PEPD: variants seen among roughly 807,000 people sequenced by gnomAD.
The protein encoded by PEPD is peptidase D.
In PEPD, 53 loss-of-function variants were observed where a neutral mutation model predicts 60.7. The ratio of observed to expected loss-of-function variants is 0.87; its 90% CI spans 0.70 to 1.10. The LOEUF is 1.10. Ranked by LOEUF, PEPD falls within the 50% of genes least tolerant of loss-of-function variation. The probability of loss-of-function intolerance (pLI) is 0.00; values close to 1 mark genes in which losing one functional copy is unlikely to be tolerated. For synonymous variants in PEPD, 267 were observed against 284.1 expected, an observed-to-expected ratio of 0.94 and a Z score of 0.60; for missense variants, 711 against 711.9, an observed-to-expected ratio of 1.00 and a Z score of 0.01.
intron 7 of PEPD, among the ~76,000 whole-genome samples, chr19:33,474,930 C>T (rs1203163805): frequency 6.9e-6 from 1 of 144,940 alleles, no homozygotes; most frequent in African/African-American, 2.6e-5. Context: ...CAGCAAGCTA[C>T]GATCATGCCA....
At chr19:33,518,476 G>T (rs532003781) in intron 1 of PEPD, among the ~76,000 whole-genome samples, 3 of 152,262 alleles carry the variant, frequency 2.0e-5, no homozygotes. Flanking sequence ...CGGCTCAACA[G>T]GGGTACACGT....
chr19:33,432,664 T>A (rs986572158), intron 9 of PEPD, among the ~76,000 whole-genome samples: 1 of 152,366 alleles, frequency 6.6e-6, no homozygotes, highest in Middle Eastern at 3.4e-3. Context: ...CATGAACAGA[T>A]CCAGCAGGTA....
chr19:33,460,327 A>G (rs1400931569), intron 9 of PEPD, among the ~76,000 whole-genome samples: 3 of 152,170 alleles, frequency 2.0e-5, no homozygotes, highest in East Asian at 3.9e-4. Flanking sequence ...ACTGCATCAC[A>G]TAGTGATCCT....
At chr19:33,389,539 C>A (rs976610709) in intron 13 of PEPD, among the ~76,000 whole-genome samples, 2 of 151,236 alleles carry the variant, frequency 1.3e-5, no homozygotes, top group Admixed American at 6.6e-5. Flanking sequence ...TCATGCTATT[C>A]CTGAAGTGTC....
chr19:33,428,002 G>T (rs1372995683), intron 9 of PEPD, among the ~76,000 whole-genome samples: 1 of 152,022 alleles, frequency 6.6e-6, no homozygotes, highest in Non-Finnish European at 1.5e-5. Flanking sequence ...CAAAGCACTG[G>T]CTCTGGGCAG....
At chr19:33,458,684 C>CA (rs1969866256) in intron 9 of PEPD, among the ~76,000 whole-genome samples, 1 of 88,488 alleles carries the variant, frequency 1.1e-5, no homozygotes. Flanking sequence ...TGGTGGAGGT[C>CA]TGTGGTGTGT....
intron 12 of PEPD, among the ~76,000 whole-genome samples, chr19:33,393,295 G>A (rs1252302066): frequency 6.6e-6 from 1 of 150,628 alleles, no homozygotes; most frequent in Non-Finnish European, 1.5e-5. Flanking sequence ...GCGTGGGGGA[G>A]AGCCCGGGGT....
At chr19:33,493,429 T>C in intron 4 of PEPD, 92 bp from the exon 5 acceptor site, 1 of 910,132 alleles carries the variant, frequency 1.1e-6, no homozygotes, top group Admixed American at 1.8e-5. Flanking sequence ...ACAGTGCACA[T>C]TTATCAAGCA....
intron 11 of PEPD, among the ~76,000 whole-genome samples, chr19:33,405,993 T>C (rs562006533): frequency 6.6e-6 from 1 of 152,170 alleles, no homozygotes; most frequent in African/African-American, 2.4e-5. Context: ...TGCCATTTTA[T>C]GCATGACATG....
intron 12 of PEPD, among the ~76,000 whole-genome samples, chr19:33,392,701 C>T (rs758818454): frequency 3.9e-5 from 6 of 152,340 alleles, no homozygotes; most frequent in Admixed American, 1.3e-4. Flanking sequence ...AGAGCCAGAG[C>T]CTGCTCTGCA....
chr19:33,413,263 G>A (rs1255213721), intron 10 of PEPD, among the ~76,000 whole-genome samples: 1 of 152,252 alleles, frequency 6.6e-6, no homozygotes, highest in South Asian at 2.1e-4. Context: ...CCCGTGTGGA[G>A]GAGTGGCCTT....
chr19:33,493,706 C>A (rs1970543535), intron 4 of PEPD, among the ~76,000 whole-genome samples: 1 of 152,090 alleles, frequency 6.6e-6, no homozygotes, highest in African/African-American at 2.4e-5. Context: ...CCCCGGGAAC[C>A]CTTTAGGCTC....
chr19:33,441,924 G>GT (rs1969485976), intron 9 of PEPD, among the ~76,000 whole-genome samples: 2 of 152,384 alleles, frequency 1.3e-5, no homozygotes, highest in South Asian at 4.1e-4. Context: ...CACTGAGACA[G>GT]TAACTACCGG....
At chr19:33,443,354 T>C (rs988618064) in intron 9 of PEPD, among the ~76,000 whole-genome samples, 1 of 152,348 alleles carries the variant, frequency 6.6e-6, no homozygotes, top group Admixed American at 6.5e-5. Flanking sequence ...CTTTTCCACT[T>C]TGGGGAGAAT....
intron 8 of PEPD, among the ~76,000 whole-genome samples, chr19:33,463,289 A>G (rs909509291): frequency 6.6e-6 from 1 of 152,258 alleles, no homozygotes; most frequent in Non-Finnish European, 1.5e-5. Flanking sequence ...GCCTCAAGTT[A>G]CAGCTCAGAG....
In PEPD at chr19:33,425,464, T is replaced by C. The variant is rs570276362; in HGVS notation, c.672-11821A>G. On this transcript the variant is annotated intron_variant, in intron 9 of 14. Coordinates refer to ENST00000244137, the MANE Select transcript of PEPD (RefSeq NM_000285.4). ...CAAGCCAGGTATGCAGGGAGCTTTC[T>C]GGAGGGGCGAGCAGGGGCAAGGGGA... 6.6e-5 allele frequency among the ~76,000 whole-genome samples: 10 copies of C among 152,262 alleles called. No individual in the cohort carries two copies. In the East Asian group the frequency reaches 1.5e-3, roughly 23 times the overall value.
At chr19:33,390,694 C>T (rs1028316791) in intron 13 of PEPD, among the ~76,000 whole-genome samples, 5 of 152,228 alleles carry the variant, frequency 3.3e-5, no homozygotes, top group African/African-American at 4.8e-5. Flanking sequence ...CTCTGAGGGC[C>T]GGGGAACCTT....
intron 4 of PEPD, among the ~76,000 whole-genome samples, chr19:33,494,039 G>A (rs1294588090): frequency 6.6e-6 from 1 of 152,206 alleles, no homozygotes; most frequent in African/African-American, 2.4e-5. Context: ...AGCCCCCTGG[G>A]CAGGTTCGTT....
chr19:33,460,078 C>T lies in PEPD; in HGVS notation c.671+2917G>A, dbSNP rs187136173. Among the ~76,000 whole-genome samples, 5 of 152,286 alleles carry T rather than the reference C, an allele frequency of 3.3e-5. No individual in the cohort carries two copies. The East Asian group carries it at 9.6e-4, about 29-fold the overall frequency. On this transcript the variant is annotated intron_variant, in intron 9 of 14. Transcript: ENST00000244137. ...TTGAGCCTGTGTTCAAAGAGGCACA[C>T]CCCCGGGTAACCAAAAACACGGGCT...
Sources: gnomAD v4.1 joint callset for allele counts (sites outside exome capture counted in the v4.1 genomes callset) on GRCh38, gnomAD v4.1.1 for gene constraint, MANE v1.5 for transcripts, NCBI Gene and HGNC (gene_info 2026-07-23, HGNC 2026-07-21) for gene names.